KCNIP2: variants seen among roughly 807,000 people sequenced by gnomAD.
The protein encoded by KCNIP2 is A-type potassium channel modulatory protein KCNIP2.
A neutral mutation model predicts 39.0 loss-of-function variants in KCNIP2; 19 were observed. That is an observed-to-expected ratio of 0.49 (90% CI 0.34 to 0.71). KCNIP2 has a LOEUF of 0.71. Ranked by LOEUF, KCNIP2 falls within the 30% of genes least tolerant of loss-of-function variation. The probability of loss-of-function intolerance (pLI) is 0.01; values close to 1 mark genes in which losing one functional copy is unlikely to be tolerated. For synonymous variants in KCNIP2, 111 were observed against 131.2 expected (o/e 0.85, Z 1.05); for missense variants, 261 against 346.0 (o/e 0.75, Z 1.95).
chr10:101,841,411 G>A (rs962679881), intron 1 of KCNIP2, among the ~76,000 whole-genome samples: 2 of 152,174 alleles, frequency 1.3e-5, no homozygotes, highest in Admixed American at 1.3e-4. Context: ...CGCCCGCCCG[G>A]GAGTCTTCGT....
At chr10:101,840,359 G>A (rs2066293664) in intron 1 of KCNIP2, among the ~76,000 whole-genome samples, 1 of 151,914 alleles carries the variant, frequency 6.6e-6, no homozygotes, top group Non-Finnish European at 1.5e-5. Context: ...CAGGAGGAAG[G>A]AGAAAGAGGC....
chr10:101,827,133 G>C lies in KCNIP2; in HGVS notation c.*220C>G. 3.5e-6 allele frequency: 4 copies of C among 1,132,656 alleles called. No individual in the cohort carries two copies. The highest frequency in any genetic ancestry group is 7.0e-5 in the South Asian group (2 of 28,704). The allele number at this position is 1,132,656 out of a possible 1,614,324, so 70.2% of individuals were successfully genotyped here. On this transcript the variant is annotated 3_prime_UTR_variant, in exon 10 of 10. Coordinates refer to ENST00000356640, the MANE Select transcript of KCNIP2 (RefSeq NM_173191.3). The stretch of plus-strand genomic sequence containing the variant: ...GGTGTCAGGCAGGAAGGGGGTGAGA[G>C]CTGGTGGGAGTTGGGAACACCCCCC...
At chr10:101,839,705 G>C in intron 1 of KCNIP2, 1 of 1,565,524 alleles carries the variant, frequency 6.4e-7, no homozygotes, top group Non-Finnish European at 8.8e-7. Flanking sequence ...AACCCACTTC[G>C]CTCACTTTTT....
At chr10:101,837,015 G>T (rs1194294065) in intron 1 of KCNIP2, among the ~76,000 whole-genome samples, 1 of 152,144 alleles carries the variant, frequency 6.6e-6, no homozygotes, top group East Asian at 1.9e-4. Context: ...TATAGTCCCA[G>T]CTACCTGGGA....
chr10:101,826,019 AC>A lies in KCNIP2; in HGVS notation c.*1333del, dbSNP rs1156570194. On this transcript the variant is annotated 3_prime_UTR_variant, in exon 10 of 10. Coordinates refer to ENST00000356640, the MANE Select transcript of KCNIP2 (RefSeq NM_173191.3). The stretch of plus-strand genomic sequence containing the variant: ...TTAGATCTGGTATATTTCTTACTTT[AC>A]AAAATATATAGAAGAGCCCAAAATG... 6.5e-6 allele frequency: 1 copy of A among 152,752 alleles called. No individual in the cohort carries two copies. Among genetic ancestry groups the A allele is most frequent in the East Asian group, 1.9e-4 (1 of 5,186 alleles). The allele number at this position is 152,752 out of a possible 1,614,324, so 9.5% of individuals were successfully genotyped here. A position where few individuals can be genotyped will look rare whatever the true frequency, so the allele number is the denominator to read the frequency against.
At chr10:101,840,968 T>C (rs2066315424) in intron 1 of KCNIP2, among the ~76,000 whole-genome samples, 1 of 152,196 alleles carries the variant, frequency 6.6e-6, no homozygotes, top group South Asian at 2.1e-4. Context: ...TCTTGGCCTT[T>C]CTCTCTTCCG....
Position 101,828,485 on chromosome 10 carries a change from GCTTCCACACAGGAGAGGA to G in KCNIP2, c.419-44_419-27del. ...CTGCAGGGTGAGTGTGGAGAAGTTG[GCTTCCACACAGGAGAGGA>G]CTTCCTCCCTCTAAGGAGCTCCCCA... On this transcript the variant is annotated intron_variant, in intron 5 of 9. Transcript: ENST00000356640. The surrounding 1 kb of genome is among the most constrained non-coding windows in gnomAD (Gnocchi z 6.6). 6.2e-7 allele frequency: 1 copy of G among 1,612,234 alleles called. No individual in the cohort carries two copies. Among genetic ancestry groups the G allele is most frequent in the Non-Finnish European group, 8.5e-7 (1 of 1,178,590 alleles).
At position 101,843,549 on chromosome 10, in the gene KCNIP2, T is replaced by C; in HGVS notation, c.20A>G (p.Lys7Arg). Residue 7 changes from lysine to arginine, a missense_variant, in exon 1 of 10, where the codon AAG (lysine) becomes AGG (arginine). Physicochemically the swap from Lys to Arg is conservative, Grantham distance 26. Coordinates refer to ENST00000356640, the MANE Select transcript of KCNIP2 (RefSeq NM_173191.3). This position sits in a 1 kb window ranked among gnomAD's most constrained non-coding sequence, Gnocchi z 6.7. MRGQGR[K>R]ESLSDSRDLD... ...GTCTCGGGAATCGGACAAACTCTCC[T>C]TGCGGCCCTGGCCCCGCATGGCCCC... 6.4e-7 allele frequency: 1 copy of C among 1,565,036 alleles called. No homozygotes were observed. Among genetic ancestry groups the C allele is most frequent in the Non-Finnish European group, 8.6e-7 (1 of 1,157,082 alleles).
In KCNIP2 at chr10:101,828,587, G is replaced by A. The variant is rs2135134326; in HGVS notation, c.418+40C>T. 1 of 1,606,226 alleles carries A rather than the reference G, an allele frequency of 6.2e-7. No homozygotes were observed. The highest frequency in any genetic ancestry group is 1.1e-5 in the South Asian group (1 of 90,848). ...CAGAATCCCTCCCTCCCTCAGCCTA[G>A]AGAAGGACAACTGCTTCCCCTTGGG... On this transcript the variant is annotated intron_variant, in intron 5 of 9. Coordinates refer to ENST00000356640, the MANE Select transcript of KCNIP2 (RefSeq NM_173191.3). The surrounding 1 kb of genome is among the most constrained non-coding windows in gnomAD (Gnocchi z 6.6).
intron 1 of KCNIP2, among the ~76,000 whole-genome samples, chr10:101,833,176 T>C (rs1053761279): frequency 5.3e-5 from 8 of 151,924 alleles, no homozygotes; most frequent in African/African-American, 1.9e-4. Flanking sequence ...TTCCTGTCCC[T>C]GGTGGTACTG....
chr10:101,830,060 G>T (rs2065913038), intron 2 of KCNIP2, 163 bp from the exon 3 acceptor site: 1 of 802,820 alleles, frequency 1.2e-6, no homozygotes, highest in Non-Finnish European at 2.0e-6. Flanking sequence ...ACAAGCTTGC[G>T]GGACTCACGC....
chr10:101,830,831 GCC>G (rs907851127), intron 2 of KCNIP2, among the ~76,000 whole-genome samples: 5 of 145,044 alleles, frequency 3.4e-5, no homozygotes, highest in East Asian at 4.1e-4. Flanking sequence ...GGTAGGGCAC[GCC>G]CCCCCACACA....
intron 2 of KCNIP2, chr10:101,830,416 A>T (rs909798233): frequency 4.6e-6 from 6 of 1,292,074 alleles, no homozygotes; most frequent in Non-Finnish European, 6.1e-6. Context: ...GGAGTTGAAG[A>T]CACTAACCCA....
chr10:101,840,967 T>C (rs1483276634), intron 1 of KCNIP2, among the ~76,000 whole-genome samples: 9 of 152,192 alleles, frequency 5.9e-5, no homozygotes, highest in Non-Finnish European at 5.9e-5. Context: ...CTCTTGGCCT[T>C]TCTCTCTTCC....
At chr10:101,835,127 G>T (rs1018580628) in intron 1 of KCNIP2, among the ~76,000 whole-genome samples, 3 of 152,162 alleles carry the variant, frequency 2.0e-5, no homozygotes, top group Non-Finnish European at 2.9e-5. Context: ...AAGTTTGTTA[G>T]GTATGGATGT....
At position 101,828,161 on chromosome 10, in the gene KCNIP2, A is replaced by C; in HGVS notation, c.587T>G (p.Ile196Ser). Residue 196 changes from isoleucine (I) to serine (S), a missense_variant, in exon 7 of 10, where the codon ATC (isoleucine) becomes AGC (serine). By Grantham distance (142) the Ile-to-Ser change is moderately radical. Transcript: ENST00000356640. The surrounding 1 kb of genome is among the most constrained non-coding windows in gnomAD (Gnocchi z 6.6). ...TCAGTTGCCCTGCACCTCCTTGGTG[A>C]TGCAGCCGTCCTTGTTAAGGTCATA... Reference protein sequence around the residue: ...NLYDLNKDGCITKEEMLDIMK... With the variant: ...NLYDLNKDGCSTKEEMLDIMK... The C allele has an allele frequency of 6.2e-7, 1 of 1,612,978 alleles. No individual in the cohort carries two copies. Among genetic ancestry groups the C allele is most frequent in the Non-Finnish European group, 8.5e-7 (1 of 1,179,086 alleles).
At chr10:101,834,642 A>G (rs2066096217) in intron 1 of KCNIP2, among the ~76,000 whole-genome samples, 1 of 152,138 alleles carries the variant, frequency 6.6e-6, no homozygotes, top group South Asian at 2.1e-4. Flanking sequence ...TATGGGCCAG[A>G]GGGAGGGAGC....
At chr10:101,827,443 GAGA>G (rs1342129668) in intron 9 of KCNIP2, 43 bp from the exon 10 acceptor site, 14 of 1,578,446 alleles carry the variant, frequency 8.9e-6, no homozygotes, top group Non-Finnish European at 9.5e-6. Flanking sequence ...GAGAGAGAAA[GAGA>G]AGGAGCTTAT....
intron 1 of KCNIP2, among the ~76,000 whole-genome samples, chr10:101,831,427 A>G (rs1287443042): frequency 1.3e-5 from 2 of 152,140 alleles, no homozygotes; most frequent in African/African-American, 4.8e-5. Flanking sequence ...CAGTGGCCTC[A>G]GTGTCTTTGC....
Sources: allele counts gnomAD v4.1 joint callset (sites outside exome capture counted in the v4.1 genomes callset), GRCh38; gene constraint gnomAD v4.1.1; non-coding constraint Gnocchi (gnomAD v3.1); transcripts MANE v1.5; gene names NCBI Gene and HGNC (gene_info 2026-07-23, HGNC 2026-07-21).